Variants in ATP2B2 observed in about 807,000 individuals in gnomAD.
ATP2B2 encodes the protein plasma membrane calcium-transporting ATPase 2.
ATP2B2 carries 15 observed loss-of-function variants against 120.0 expected under a neutral mutation model. That is an observed-to-expected ratio of 0.12 (90% confidence interval 0.08 to 0.19). ATP2B2 has a LOEUF of 0.19. Among genes scored for constraint, ATP2B2 ranks in the 10% least tolerant of loss-of-function variants. The probability of loss-of-function intolerance (pLI) is 1.00; values close to 1 mark genes in which losing one functional copy is unlikely to be tolerated. For missense variants in ATP2B2, 1,045 were observed against 1,719.8 expected (o/e 0.61, Z 6.94); for synonymous variants, 694 against 700.3 (o/e 0.99, Z 0.14).
chr3:10,550,182 A>G (rs2067638104), intron 2 of ATP2B2, among the ~76,000 whole-genome samples: 1 of 152,230 alleles, frequency 6.6e-6, no homozygotes, highest in South Asian at 2.1e-4. Flanking sequence ...GCAAGTGAAG[A>G]TCTGAGACCA....
rs563846848 is a variant in ATP2B2 at position 10,564,907 on chromosome 3, C to T, written c.-414-30774G>A. Among the ~76,000 whole-genome samples the T allele has an allele frequency of 5.3e-5, 8 of 152,318 alleles. No homozygotes were observed. The South Asian group carries it at 1.7e-3, about 32-fold the overall frequency. On this transcript the variant is annotated intron_variant, in intron 2 of 21. Transcript: ENST00000646379. The stretch of plus-strand genomic sequence containing the variant: ...AATTGAGAGTTGTCTGGGTACACGG[C>T]TGCTTAGATAGACCACATTTTCCAG...
intron 5 of ATP2B2, chr3:10,394,460 C>G (rs756434279): frequency 6.4e-6 from 3 of 471,244 alleles, no homozygotes; most frequent in South Asian, 1.6e-5. Flanking sequence ...CAGGGTCACA[C>G]AGCTGTGAGT....
intron 3 of ATP2B2, among the ~76,000 whole-genome samples, chr3:10,404,703 A>G (rs1019696056): frequency 6.6e-6 from 1 of 152,158 alleles, no homozygotes; most frequent in Admixed American, 6.5e-5. Context: ...ACGGGAGGAG[A>G]GGAAATGGTG....
Position 10,350,378 on chromosome 3 carries a change from C to T in ATP2B2, c.2316+20G>A. 1 of 1,614,210 alleles carries T rather than the reference C, an allele frequency of 6.2e-7. No homozygotes were observed. Among genetic ancestry groups the T allele is most frequent in the Non-Finnish European group, 8.5e-7 (1 of 1,180,018 alleles). ...ATCTGAGCGCGTTCCCCTGAGGATG[C>T]TTTACGTTGGGACACGCACCTCCCC... On this transcript the variant is annotated intron_variant, in intron 15 of 22. Transcript: ENST00000360273.
At position 10,704,101 on chromosome 3, in the gene ATP2B2, C is replaced by T. The variant is rs560413472; in HGVS notation, c.-460+3814G>A. Among the ~76,000 whole-genome samples the T allele has an allele frequency of 1.1e-4, 17 of 152,348 alleles. No homozygotes were observed. The South Asian group carries it at 3.5e-3, about 32-fold the overall frequency. ...CTGACCCTAGGGCTTCCCCATGTGG[C>T]CCTGTGTGGCATAGCATGTCCTCGC... On this transcript the variant is annotated intron_variant, in intron 1 of 21. Transcript: ENST00000646379.
chr3:10,700,382 TC>T (rs1317702661), intron 1 of ATP2B2, among the ~76,000 whole-genome samples: 1 of 152,188 alleles, frequency 6.6e-6, no homozygotes, highest in Non-Finnish European at 1.5e-5. Context: ...CTGCGATATG[TC>T]CCATTCTAGG....
At chr3:10,558,450 G>A (rs1200779240) in intron 2 of ATP2B2, among the ~76,000 whole-genome samples, 1 of 152,134 alleles carries the variant, frequency 6.6e-6, no homozygotes, top group Non-Finnish European at 1.5e-5. Flanking sequence ...CTTCTGAGAA[G>A]GTGGGAGGAG....
At chr3:10,621,392 T>C (rs2069544220) in intron 1 of ATP2B2, among the ~76,000 whole-genome samples, 1 of 152,174 alleles carries the variant, frequency 6.6e-6, no homozygotes, top group South Asian at 2.1e-4. Flanking sequence ...AAATCTTTTC[T>C]GGGAAAAACA....
At chr3:10,405,658 TC>T (rs1187392440) in intron 3 of ATP2B2, among the ~76,000 whole-genome samples, 3 of 152,248 alleles carry the variant, frequency 2.0e-5, no homozygotes, top group African/African-American at 7.2e-5. Flanking sequence ...CAACTGCTCT[TC>T]CTGGACCTGC....
At chr3:10,685,283 T>C (rs981677308) in intron 1 of ATP2B2, among the ~76,000 whole-genome samples, 1 of 152,156 alleles carries the variant, frequency 6.6e-6, no homozygotes, top group South Asian at 2.1e-4. Flanking sequence ...AGCCAATAAG[T>C]GTGCTCGCTG....
intron 1 of ATP2B2, among the ~76,000 whole-genome samples, chr3:10,491,801 C>A (rs1342122289): frequency 2.0e-5 from 3 of 152,132 alleles, no homozygotes; most frequent in Admixed American, 2.0e-4. Context: ...AAACAAGTTA[C>A]CAGATTTCCT....
intron 1 of ATP2B2, among the ~76,000 whole-genome samples, chr3:10,483,844 A>T (rs988531116): frequency 2.0e-5 from 3 of 152,216 alleles, no homozygotes; most frequent in Non-Finnish European, 4.4e-5. Context: ...GGAGCCACCC[A>T]CGGAAGGACT....
chr3:10,431,484 A>G (rs1462902163), intron 2 of ATP2B2, among the ~76,000 whole-genome samples: 1 of 152,138 alleles, frequency 6.6e-6, no homozygotes, highest in Non-Finnish European at 1.5e-5. Context: ...GGGCTCAGAC[A>G]ATTGGTAGCA....
chr3:10,600,419 C>A (rs1025903980), intron 2 of ATP2B2, among the ~76,000 whole-genome samples: 14 of 152,304 alleles, frequency 9.2e-5, no homozygotes, highest in Admixed American at 5.2e-4. Flanking sequence ...TTCCATCTAC[C>A]CTATGTCATC....
chr3:10,407,127 C>T lies in ATP2B2; in HGVS notation c.397+3491G>A, dbSNP rs116174184. ...CCTGACTTGGGGTCCTAGGCCACAA[C>T]TCTGGGTGAGTCCCCACCCTCCCCT... On this transcript the variant is annotated intron_variant, in intron 3 of 22. Transcript: ENST00000360273. Among the ~76,000 whole-genome samples the T allele has an allele frequency of 4.3e-3, 653 of 152,328 alleles. 5 individuals are homozygous for T. Among genetic ancestry groups the T allele is most frequent in the African/African-American group, 0.015 (612 of 41,558 alleles).
intron 2 of ATP2B2, among the ~76,000 whole-genome samples, chr3:10,617,509 C>T (rs572588655): frequency 1.8e-4 from 28 of 152,368 alleles, no homozygotes; most frequent in African/African-American, 6.3e-4. Flanking sequence ...TCGCTGTTTG[C>T]TCAGCATTCT....
At chr3:10,358,006 A>T (rs777460865) in intron 14 of ATP2B2, among the ~76,000 whole-genome samples, 4 of 152,218 alleles carry the variant, frequency 2.6e-5, no homozygotes, top group Non-Finnish European at 5.9e-5. Flanking sequence ...CTGTGTGCTG[A>T]GCACCCCACT....
intron 1 of ATP2B2, among the ~76,000 whole-genome samples, chr3:10,641,053 G>A (rs1191757327): frequency 6.6e-6 from 1 of 152,102 alleles, no homozygotes; most frequent in Non-Finnish European, 1.5e-5. Context: ...GTACACCCAG[G>A]ATGACTAGCA....
intron 2 of ATP2B2, among the ~76,000 whole-genome samples, chr3:10,603,573 C>T (rs1028671574): frequency 1.3e-5 from 2 of 152,154 alleles, no homozygotes; most frequent in African/African-American, 4.8e-5. Context: ...AGCCCTCTTG[C>T]AAGCGTTCAT....
Sources: allele counts gnomAD v4.1 joint callset (sites outside exome capture counted in the v4.1 genomes callset), GRCh38; gene constraint gnomAD v4.1.1; transcripts MANE v1.5; gene names NCBI Gene and HGNC (gene_info 2026-07-23, HGNC 2026-07-21).